NDFIP1: variants seen among roughly 807,000 people sequenced by gnomAD.
NDFIP1 encodes the protein Nedd4 family interacting protein 1.
Under a neutral mutation model 28.8 loss-of-function variants are expected in NDFIP1, and 7 were observed. That is an observed-to-expected ratio of 0.24 (90% confidence interval 0.14 to 0.46). The LOEUF is 0.46. Ranked by LOEUF, NDFIP1 falls within the 20% of genes least tolerant of loss-of-function variation. The probability of loss-of-function intolerance (pLI) is 0.99; values close to 1 mark genes in which losing one functional copy is unlikely to be tolerated. For synonymous variants in NDFIP1, 92 were observed against 101.0 expected (o/e 0.91, Z 0.53); for missense variants, 194 against 269.1 (o/e 0.72, Z 1.95).
intron 7 of NDFIP1, among the ~76,000 whole-genome samples, chr5:142,150,872 C>G (rs1757440232): frequency 6.6e-6 from 1 of 152,186 alleles, no homozygotes; most frequent in South Asian, 2.1e-4. Flanking sequence ...AAAATAGTTT[C>G]TCAATAAATG....
At position 142,138,791 on chromosome 5, in the gene NDFIP1, CAAAG is replaced by C. The variant is rs561722297; in HGVS notation, c.495+937_495+940del. Among the ~76,000 whole-genome samples, 956 of 151,790 alleles carry C rather than the reference CAAAG, an allele frequency of 6.3e-3. 11 individuals are homozygous for C. Among genetic ancestry groups the C allele is most frequent in the Non-Finnish European group, 7.7e-3 (520 of 67,920 alleles). On this transcript the variant is annotated intron_variant, in intron 5 of 7. Transcript: ENST00000253814. Reference sequence around the variant, plus strand: ...TAAATTTTAATTGTTACTTTATTAACAAAGAAAATACTATATTTTACTTTTCGAA... The same window carrying C: ...TAAATTTTAATTGTTACTTTATTAACAAAATACTATATTTTACTTTTCGAA...
Position 142,109,045 on chromosome 5 carries a change from G to C in NDFIP1, c.63+8G>C. The C allele has an allele frequency of 7.1e-7, 1 of 1,412,600 alleles. No individual in the cohort carries two copies. Among genetic ancestry groups the C allele is most frequent in the Non-Finnish European group, 9.2e-7 (1 of 1,083,104 alleles). The allele number at this position is 1,412,600 out of a possible 1,614,324, so 87.5% of individuals were successfully genotyped here. On this transcript the variant is annotated splice_region_variant and intron_variant, in intron 1 of 7. Coordinates refer to ENST00000253814, the MANE Select transcript of NDFIP1 (RefSeq NM_030571.4). ...GGCAGCCGGTACCAGCAGGTAAGCG[G>C]CGCCCGACTCCAGCCCCGAACTCCG... is the stretch of plus-strand genomic sequence containing the variant.
intron 1 of NDFIP1, among the ~76,000 whole-genome samples, chr5:142,117,957 C>T (rs1183936593): frequency 6.6e-6 from 1 of 152,108 alleles, no homozygotes; most frequent in Non-Finnish European, 1.5e-5. Flanking sequence ...TGGCGTCAAA[C>T]TCCTTGGCTC....
At chr5:142,140,487 A>AT in intron 5 of NDFIP1, 76 bp from the exon 6 acceptor site, 3 of 1,012,784 alleles carry the variant, frequency 3.0e-6, no homozygotes, top group Non-Finnish European at 4.4e-6. Context: ...GCATTTTGTG[A>AT]TTTTGTGTAC....
At chr5:142,115,563 G>A (rs902080438) in intron 1 of NDFIP1, among the ~76,000 whole-genome samples, 1 of 152,160 alleles carries the variant, frequency 6.6e-6, no homozygotes, top group African/African-American at 2.4e-5. Context: ...GGGATTACAG[G>A]TGTGAGCCAC....
At chr5:142,125,886 C>G (rs1464022920) in intron 1 of NDFIP1, among the ~76,000 whole-genome samples, 1 of 152,140 alleles carries the variant, frequency 6.6e-6, no homozygotes, top group Non-Finnish European at 1.5e-5. Context: ...TTTGTGTCTA[C>G]TGGCCTTTTG....
chr5:142,140,497 C>G (rs1757316809), intron 5 of NDFIP1, 66 bp from the exon 6 acceptor site: 1 of 1,281,938 alleles, frequency 7.8e-7, no homozygotes, highest in Non-Finnish European at 1.1e-6. Flanking sequence ...ATTTTGTGTA[C>G]CCTTAAGTTA....
intron 1 of NDFIP1, among the ~76,000 whole-genome samples, chr5:142,112,558 G>A (rs1297648233): frequency 1.4e-5 from 2 of 141,720 alleles, no homozygotes; most frequent in East Asian, 2.2e-4. Flanking sequence ...AAAAGGCACC[G>A]AGGTGGGCGG....
intron 7 of NDFIP1, among the ~76,000 whole-genome samples, chr5:142,147,144 T>C (rs1403982523): frequency 6.6e-6 from 1 of 152,188 alleles, no homozygotes; most frequent in East Asian, 1.9e-4. Context: ...AAATCATTCC[T>C]GACACACCCA....
intron 1 of NDFIP1, among the ~76,000 whole-genome samples, chr5:142,120,169 T>C (rs983273153): frequency 2.6e-5 from 4 of 152,180 alleles, no homozygotes; most frequent in African/African-American, 9.7e-5. Flanking sequence ...TTGGTCAGGC[T>C]GGTCTCAAAC....
chr5:142,149,040 T>TA (rs1344885956), intron 7 of NDFIP1, among the ~76,000 whole-genome samples: 1 of 152,162 alleles, frequency 6.6e-6, no homozygotes, highest in African/African-American at 2.4e-5. Context: ...TAATATATTT[T>TA]AAAATTATTT....
chr5:142,146,047 T>C (rs1394072725), intron 7 of NDFIP1, among the ~76,000 whole-genome samples: 33 of 152,186 alleles, frequency 2.2e-4, no homozygotes, highest in Admixed American at 1.8e-3. Flanking sequence ...CCCTCTTGAA[T>C]ATAACAAACA....
At chr5:142,128,021 C>T (rs1299717752) in intron 1 of NDFIP1, among the ~76,000 whole-genome samples, 1 of 152,052 alleles carries the variant, frequency 6.6e-6, no homozygotes. Context: ...GAAAAAAAAT[C>T]CAGTGTCCAA....
At chr5:142,111,566 A>G (rs1229111884) in intron 1 of NDFIP1, among the ~76,000 whole-genome samples, 1 of 152,208 alleles carries the variant, frequency 6.6e-6, no homozygotes, top group Non-Finnish European at 1.5e-5. Flanking sequence ...TGATAGGAGC[A>G]TGATACTCTT....
intron 6 of NDFIP1, among the ~76,000 whole-genome samples, chr5:142,141,610 C>T (rs751920166): frequency 6.6e-6 from 1 of 152,064 alleles, no homozygotes; most frequent in Non-Finnish European, 1.5e-5. Context: ...ATATATGATA[C>T]AGTTAGAGAG....
At chr5:142,111,422 T>C (rs1421559724) in intron 1 of NDFIP1, among the ~76,000 whole-genome samples, 2 of 152,164 alleles carry the variant, frequency 1.3e-5, no homozygotes, top group Non-Finnish European at 2.9e-5. Context: ...GTTTTTTTCA[T>C]TGAAATTTAT....
At chr5:142,127,476 T>C (rs1174518851) in intron 1 of NDFIP1, among the ~76,000 whole-genome samples, 1 of 152,046 alleles carries the variant, frequency 6.6e-6, no homozygotes, top group Non-Finnish European at 1.5e-5. Context: ...GCAAAGGTAA[T>C]CAGGAAAAGA....
rs907653128 is a variant in NDFIP1 at position 142,151,955 on chromosome 5, T to A, written c.*227T>A. ...CATTGAATCATTAGTGGTTAATGTT[T>A]GAAAAAGCTCTTGCAATCAAGTCTG... On this transcript the variant is annotated 3_prime_UTR_variant, in exon 8 of 8. Coordinates refer to ENST00000253814, the MANE Select transcript of NDFIP1 (RefSeq NM_030571.4). 5 of 152,818 alleles carry A rather than the reference T, an allele frequency of 3.3e-5. No homozygotes were observed. The highest frequency in any genetic ancestry group is 1.2e-4 in the African/African-American group (5 of 41,476). The allele number at this position is 152,818 out of a possible 1,614,324, so 9.5% of individuals were successfully genotyped here. A position where few individuals can be genotyped will look rare whatever the true frequency, so the allele number is the denominator to read the frequency against.
chr5:142,152,468 C>T lies in NDFIP1; in HGVS notation c.*740C>T, dbSNP rs1438372500. ...TAAAATGTAATTCTTGACACTCTTT[C>T]TATAATTAGCGTTCTTCACCCCCAC... is the stretch of plus-strand genomic sequence containing the variant. On this transcript the variant is annotated 3_prime_UTR_variant, in exon 8 of 8. Transcript: ENST00000253814. The T allele has an allele frequency of 1.3e-5, 2 of 152,284 alleles. No homozygotes were observed. The highest frequency in any genetic ancestry group is 3.8e-4 in the East Asian group (2 of 5,236). 9.4% of individuals were successfully genotyped at this position (152,284 alleles called of 1,614,324 possible). A position where few individuals can be genotyped will look rare whatever the true frequency, so the allele number is the denominator to read the frequency against.
Sources: gnomAD v4.1 joint callset for allele counts (sites outside exome capture counted in the v4.1 genomes callset) on GRCh38, gnomAD v4.1.1 for gene constraint, MANE v1.5 for transcripts, NCBI Gene and HGNC (gene_info 2026-07-23, HGNC 2026-07-21) for gene names.